Variants in RBM33 observed in about 807,000 individuals in gnomAD.
RBM33 encodes the protein RNA-binding protein 33.
In RBM33, 28 loss-of-function variants were observed where a neutral mutation model predicts 132.6. The observed-to-expected ratio is 0.21, with a 90% confidence interval of 0.16 to 0.29. The LOEUF (loss-of-function observed/expected upper bound fraction) is 0.29. Ranked by LOEUF, RBM33 falls within the 10% of genes least tolerant of loss-of-function variation. RBM33 has a pLI of 1.00. For synonymous variants in RBM33, 634 were observed against 593.0 expected (o/e 1.07, Z -1.01); for missense variants, 1,291 against 1,518.5 (o/e 0.85, Z 2.49).
At chr7:155,708,774 T>G (rs187195809) in intron 7 of RBM33, among the ~76,000 whole-genome samples, 29 of 152,334 alleles carry the variant, frequency 1.9e-4, no homozygotes, top group Admixed American at 1.2e-3. Context: ...GACTGTGGTA[T>G]CCTCCGCTCC....
intron 5 of RBM33, among the ~76,000 whole-genome samples, chr7:155,696,464 A>G (rs1217499230): frequency 6.6e-6 from 1 of 152,180 alleles, no homozygotes; most frequent in Non-Finnish European, 1.5e-5. Flanking sequence ...AGAAACATTC[A>G]GGACAGACAT....
At chr7:155,689,322 G>A (rs368048386) in intron 5 of RBM33, among the ~76,000 whole-genome samples, 2 of 151,102 alleles carry the variant, frequency 1.3e-5, no homozygotes, top group Non-Finnish European at 3.0e-5. Flanking sequence ...GGTGATATCC[G>A]CTTTATCATT....
At chr7:155,719,902 TAATATAAACTTAG>T (rs1479229913) in intron 9 of RBM33, among the ~76,000 whole-genome samples, 4 of 152,238 alleles carry the variant, frequency 2.6e-5, no homozygotes, top group Non-Finnish European at 5.9e-5. Flanking sequence ...AAATGTTTAC[TAATATAAACTTAG>T]AATAGTCAAT....
At chr7:155,715,542 G>A (rs1227169468) in intron 8 of RBM33, among the ~76,000 whole-genome samples, 1 of 152,198 alleles carries the variant, frequency 6.6e-6, no homozygotes, top group African/African-American at 2.4e-5. Flanking sequence ...GTGTGATTTA[G>A]CAACTACTCC....
At chr7:155,664,296 T>C (rs7797974) in intron 1 of RBM33, among the ~76,000 whole-genome samples, 112,116 of 151,536 alleles carry the variant, frequency 0.74, 41,756 homozygotes, top group South Asian at 0.8. Flanking sequence ...TTTCTGTCAC[T>C]CAGGCTGAGT....
chr7:155,745,484 G>T lies in RBM33; in HGVS notation c.2861G>T (p.Gly954Val). The T allele has an allele frequency of 3.7e-6, 6 of 1,613,664 alleles. No individual in the cohort carries two copies. Among genetic ancestry groups the T allele is most frequent in the Non-Finnish European group, 5.1e-6 (6 of 1,179,824 alleles). Residue 954 changes from glycine (G) to valine (V), a missense_variant, in exon 14 of 18, where the codon GGC becomes GTC. Physicochemically the swap from Gly to Val is moderately radical, Grantham distance 109. Around this residue, in one of 7 missense-constraint regions of RBM33, gnomAD observed 841 missense variants for 912.0 expected, o/e 0.92. Coordinates refer to ENST00000401878, the MANE Select transcript of RBM33 (RefSeq NM_053043.3). The surrounding 1 kb of genome is among the most constrained non-coding windows in gnomAD (Gnocchi z 4.1). ...PQTPRVASIQ[G>V]RPQDTKPGVK... ...ACTCCTCGAGTGGCGTCCATCCAGG[G>T]CCGGCCCCAGGACACAAAGCCTGGC...
chr7:155,728,162 T>C (rs779931747), intron 9 of RBM33, among the ~76,000 whole-genome samples: 2 of 152,206 alleles, frequency 1.3e-5, no homozygotes, highest in South Asian at 2.1e-4. Flanking sequence ...TCTTTTCTTA[T>C]CCTGCTACCA....
At chr7:155,659,758 A>G (rs1798590410) in intron 1 of RBM33, among the ~76,000 whole-genome samples, 1 of 152,218 alleles carries the variant, frequency 6.6e-6, no homozygotes, top group South Asian at 2.1e-4. Flanking sequence ...CACACACTGG[A>G]TATATTAAAA....
chr7:155,688,226 C>T (rs1799532961), intron 5 of RBM33, among the ~76,000 whole-genome samples: 1 of 152,094 alleles, frequency 6.6e-6, no homozygotes, highest in African/African-American at 2.4e-5. Context: ...GTATTTTATT[C>T]TCTTTGAAGC....
intron 8 of RBM33, among the ~76,000 whole-genome samples, chr7:155,716,447 G>C (rs2116986985): frequency 6.6e-6 from 1 of 150,488 alleles, no homozygotes; most frequent in Non-Finnish European, 1.5e-5. Context: ...TCACCTTCTT[G>C]CTCTCATTCT....
intron 14 of RBM33, among the ~76,000 whole-genome samples, chr7:155,749,558 A>G (rs73734719): frequency 0.029 from 4,391 of 152,254 alleles, 208 homozygotes; most frequent in African/African-American, 0.099. Flanking sequence ...TTAGCAGTCT[A>G]GATTGATTCG....
intron 1 of RBM33, among the ~76,000 whole-genome samples, chr7:155,657,189 A>T (rs753023350): frequency 2.0e-5 from 3 of 152,124 alleles, no homozygotes; most frequent in Non-Finnish European, 4.4e-5. Context: ...ATTATTTTTG[A>T]TGATCCTGGC....
intron 2 of RBM33, among the ~76,000 whole-genome samples, chr7:155,666,232 G>A (rs1014473838): frequency 5.9e-5 from 9 of 152,172 alleles, no homozygotes. Flanking sequence ...TGAACCAGGG[G>A]AGCCAGTCAT....
In RBM33 at chr7:155,673,625, T is replaced by C. The variant is rs868487338; in HGVS notation, c.171+710T>C. Among the ~76,000 whole-genome samples the C allele has an allele frequency of 2.7e-4, 8 of 30,046 alleles. 2 individuals are homozygous for C. The highest frequency in any genetic ancestry group is 5.6e-4 in the African/African-American group (6 of 10,768). The allele number at this position is 30,046 out of a possible 152,430, so 19.7% of individuals were successfully genotyped here. A position where few individuals can be genotyped will look rare whatever the true frequency, so the allele number is the denominator to read the frequency against. On this transcript the variant is annotated intron_variant, in intron 3 of 17. Coordinates refer to ENST00000401878, the MANE Select transcript of RBM33 (RefSeq NM_053043.3). ...ATATACATACACACGTGTATATATA[T>C]ACACACATATACATACACACGTGTA... is the stretch of plus-strand genomic sequence containing the variant.
At chr7:155,687,220 C>G (rs1799507652) in intron 5 of RBM33, among the ~76,000 whole-genome samples, 2 of 152,232 alleles carry the variant, frequency 1.3e-5, no homozygotes, top group Admixed American at 1.3e-4. Flanking sequence ...TTGCATTTCT[C>G]TGATGGCCAG....
intron 6 of RBM33, among the ~76,000 whole-genome samples, chr7:155,706,500 A>G (rs1013018717): frequency 2.0e-5 from 3 of 152,002 alleles, no homozygotes; most frequent in East Asian, 1.9e-4. Flanking sequence ...TCTCGGGGGG[A>G]AAAAGGATGG....
At chr7:155,711,068 T>C in intron 7 of RBM33, 135 bp from the exon 8 acceptor site, 1 of 1,308,732 alleles carries the variant, frequency 7.6e-7, no homozygotes, top group Non-Finnish European at 1.0e-6. Context: ...ACAGACTTCT[T>C]ACATTGTAAC....
chr7:155,703,011 GC>G (rs1439691533), intron 6 of RBM33, among the ~76,000 whole-genome samples: 4 of 151,972 alleles, frequency 2.6e-5, no homozygotes, highest in African/African-American at 9.7e-5. Flanking sequence ...GTACCACCCT[GC>G]CCTGATTTGT....
At chr7:155,749,188 A>G (rs975631855) in intron 14 of RBM33, among the ~76,000 whole-genome samples, 2 of 152,210 alleles carry the variant, frequency 1.3e-5, no homozygotes, top group Non-Finnish European at 1.5e-5. Flanking sequence ...TCAGTAAATG[A>G]AAGCTTCTGG....
Sources: allele counts gnomAD v4.1 joint callset (sites outside exome capture counted in the v4.1 genomes callset), GRCh38; gene constraint gnomAD v4.1.1; regional missense constraint gnomAD v4.1.1; non-coding constraint Gnocchi (gnomAD v3.1); transcripts MANE v1.5; gene names NCBI Gene and HGNC (gene_info 2026-07-23, HGNC 2026-07-21).